The following DSP variants were observed in gnomAD, a reference collection of about 807,000 sequenced individuals.
The protein encoded by DSP is 250/210 kDa paraneoplastic pemphigus antigen.
DSP carries 114 observed loss-of-function variants against 290.6 expected under a neutral mutation model. The observed-to-expected ratio is 0.39, with a 90% CI of 0.34 to 0.46. The LOEUF (loss-of-function observed/expected upper bound fraction) is 0.46. DSP is among the 20% of genes least tolerant of loss of function. The pLI is 0.99. For synonymous variants in DSP, 1,311 were observed against 1,316.4 expected (o/e 1.00, Z 0.09); for missense variants, 3,230 against 3,495.8 (o/e 0.92, Z 1.92).
Position 7,579,714 on chromosome 6 carries a change from G to A in DSP, c.3524G>A (p.Arg1175Lys), listed in dbSNP as rs1759357066. The A allele has an allele frequency of 6.2e-7, 1 of 1,613,632 alleles. No homozygotes were observed. The change falls in exon 23 of 24, where the codon AGG becomes AAG. Residue 1175 changes from arginine to lysine, a missense_variant. By Grantham distance (26) the Arg-to-Lys change is conservative (BLOSUM62 2). This residue lies in a region of DSP where 1,714 missense variants were observed against 1,844.5 expected (regional missense o/e 0.93). Transcript: ENST00000379802. This position sits in a 1 kb window ranked among gnomAD's most constrained non-coding sequence, Gnocchi z 4.1. Reference sequence around the variant, plus strand: ...AAGGAGTACGAGATTGAAAGGTTGAGGGTTCTACTGCAGGAAGAAGGCACC... The same window carrying A: ...AAGGAGTACGAGATTGAAAGGTTGAAGGTTCTACTGCAGGAAGAAGGCACC... ...KEKEYEIERL[R>K]VLLQEEGTRK...
chr6:7,570,360 T>A, intron 12 of DSP, 77 bp from the exon 13 acceptor site: 1 of 1,609,684 alleles, frequency 6.2e-7, no homozygotes, highest in African/African-American at 1.3e-5. Flanking sequence ...TGCAGTGGTG[T>A]GAGCGTGTCC....
At position 7,575,301 on chromosome 6, in the gene DSP, A is replaced by G. The variant is rs774638728; in HGVS notation, c.2443A>G (p.Lys815Glu). The G allele has an allele frequency of 5.6e-6, 9 of 1,614,012 alleles. No homozygotes were observed. Among genetic ancestry groups the G allele is most frequent in the African/African-American group, 5.3e-5 (4 of 74,908 alleles). ...TTTTTTTTTCATCTTGCAGAAAATA[A>G]AAAATGACTTGAACTTGAAGAAGTC... ...EAYRCGLKKI[K>E]NDLNLKKSLL... is the part of the protein sequence containing the mutation. The change falls in exon 18 of 24, where the codon AAA (lysine) becomes GAA (glutamate). Residue 815 changes from lysine to glutamate, a missense_variant. Physicochemically the swap from Lys to Glu is moderately conservative, Grantham distance 56 (BLOSUM62 1). Coordinates refer to ENST00000379802, the MANE Select transcript of DSP (RefSeq NM_004415.4).
Position 7,570,501 on chromosome 6 carries a change from C to T in DSP, c.1639C>T (p.Leu547=). 6.2e-7 allele frequency: 1 copy of T among 1,614,072 alleles called. No homozygotes were observed. Among genetic ancestry groups the T allele is most frequent in the Non-Finnish European group, 8.5e-7 (1 of 1,180,022 alleles). Residue 547 remains leucine (L), a synonymous_variant, in exon 13 of 24, where the codon CTG becomes TTG. Transcript: ENST00000379802. ...CCAGCTCTACATCAACATGAAGAGC[C>T]TGGTGTCCTGGCACTACTGCATGAT... ...WNQLYINMKS[L]VSWHYCMIDI... is the part of the protein sequence containing the mutation.
rs1471890643 is a variant in DSP, at chr6:7,585,465, G to A, written c.8203G>A (p.Gly2735Ser). 3 of 1,614,038 alleles carry A rather than the reference G, an allele frequency of 1.9e-6. No individual in the cohort carries two copies. The African/African-American group carries it at 4.0e-5, about 22-fold the overall frequency. The change falls in exon 24 of 24, where the codon GGT becomes AGT. Residue 2735 changes from glycine (G) to serine (S), a missense_variant. By Grantham distance (56) the Gly-to-Ser change is moderately conservative (BLOSUM62 0). Around this residue, in one of 5 missense-constraint regions of DSP, gnomAD observed 582 missense variants for 555.4 expected, o/e 1.05. Coordinates refer to ENST00000379802, the MANE Select transcript of DSP (RefSeq NM_004415.4). ...CCTGGAGTTCCAGTACCTCACGGGA[G>A]GTCTTGTTGACCCGGAAGTGCATGG... Reference protein sequence around the residue: ...RFLEFQYLTGGLVDPEVHGRI... With the variant: ...RFLEFQYLTGSLVDPEVHGRI...
Position 7,565,383 on chromosome 6 carries a change from C to T in DSP, c.802C>T (p.His268Tyr). 6.2e-7 allele frequency: 1 copy of T among 1,614,088 alleles called. No homozygotes were observed. The highest frequency in any genetic ancestry group is 8.5e-7 in the Non-Finnish European group (1 of 1,180,022). ...GAAAGCGTCCTTTGAGAGGATGGATCACCTGCGACAGCTGCAGAACATCAT... is the reference window on the plus strand; with the variant it reads ...GAAAGCGTCCTTTGAGAGGATGGATTACCTGCGACAGCTGCAGAACATCAT... ...LLKASFERMD[H>Y]LRQLQNIIQA... Residue 268 changes from histidine (H) to tyrosine (Y), a missense_variant, in exon 7 of 24, where the codon CAC (histidine) becomes TAC (tyrosine). Coordinates refer to ENST00000379802, the MANE Select transcript of DSP (RefSeq NM_004415.4). This position sits in a 1 kb window ranked among gnomAD's most constrained non-coding sequence, Gnocchi z 4.2.
At chr6:7,559,087 GA>G (rs140128645) in intron 3 of DSP, 138 bp from the exon 4 acceptor site, 53 of 977,360 alleles carry the variant, frequency 5.4e-5, no homozygotes, top group Admixed American at 9.5e-5. Context: ...CTGGGGTAAA[GA>G]AAAAAAAATC....
intron 19 of DSP, 148 bp downstream of exon 19, chr6:7,576,604 A>T: frequency 2.0e-6 from 2 of 1,019,752 alleles, no homozygotes; most frequent in South Asian, 2.8e-5. Context: ...AAGAATGCCC[A>T]GAGGAAAAGC....
chr6:7,584,549 AAAAG>A lies in DSP; in HGVS notation c.7293_7296del (p.Glu2431AspfsTer15). 6.2e-7 allele frequency: 1 copy of A among 1,613,984 alleles called. No individual in the cohort carries two copies. Among genetic ancestry groups the A allele is most frequent in the Non-Finnish European group, 8.5e-7 (1 of 1,179,878 alleles). On this transcript the variant is annotated frameshift_variant, in exon 24 of 24. Coordinates refer to ENST00000379802, the MANE Select transcript of DSP (RefSeq NM_004415.4). LOFTEE classifies it high-confidence loss of function. This position sits in a 1 kb window ranked among gnomAD's most constrained non-coding sequence, Gnocchi z 6.4. ...AAGAAAATCTTACCTATCTGCAACTAAAAGAAAGATGCATTAAGGATGAGGAAAC... is the reference window on the plus strand; with the variant it reads ...AAGAAAATCTTACCTATCTGCAACTAAAAGATGCATTAAGGATGAGGAAAC...
In DSP at chr6:7,582,139, GGTGTGT is replaced by G. The variant is rs10545097; in HGVS notation, c.5380-480_5380-475del. Among the ~76,000 whole-genome samples the G allele has an allele frequency of 2.4e-4, 34 of 143,786 alleles. No homozygotes were observed. Among genetic ancestry groups the G allele is most frequent in the East Asian group, 6.0e-4 (3 of 5,032 alleles). The allele number at this position is 143,786 out of a possible 152,430, so 94.3% of individuals were successfully genotyped here. ...GACAATATTTGTGTGTGGCTGGGTT[GGTGTGT>G]GTGTGTGTGTGTGTGTGTGTGTATA... On this transcript the variant is annotated intron_variant, in intron 23 of 23. Transcript: ENST00000379802. This position sits in a 1 kb window ranked among gnomAD's most constrained non-coding sequence, Gnocchi z 4.2.
intron 3 of DSP, among the ~76,000 whole-genome samples, chr6:7,558,921 G>A (rs1161365055): frequency 6.6e-6 from 1 of 152,104 alleles, no homozygotes; most frequent in Non-Finnish European, 1.5e-5. Context: ...ACTACTACCT[G>A]GGGCCCAGGG....
intron 18 of DSP, among the ~76,000 whole-genome samples, 192 bp from the exon 19 acceptor site, chr6:7,576,102 A>C (rs1215913909): frequency 6.6e-6 from 1 of 152,154 alleles, no homozygotes; most frequent in Non-Finnish European, 1.5e-5. Flanking sequence ...TCTTTTCATC[A>C]GTTGATACCT....
intron 1 of DSP, among the ~76,000 whole-genome samples, chr6:7,547,956 G>A (rs895682282): frequency 2.0e-5 from 3 of 151,966 alleles, no homozygotes; most frequent in African/African-American, 7.3e-5. Flanking sequence ...GTTATGGACT[G>A]GGGCAAAGAC....
In DSP at chr6:7,574,681, C is replaced by T; in HGVS notation, c.2322C>T (p.Leu774=). The T allele has an allele frequency of 6.2e-7, 1 of 1,614,040 alleles. No individual in the cohort carries two copies. Among genetic ancestry groups the T allele is most frequent in the Non-Finnish European group, 8.5e-7 (1 of 1,179,976 alleles). Residue 774 remains leucine (L), a synonymous_variant, in exon 17 of 24, where the codon CTC becomes CTT. Coordinates refer to ENST00000379802, the MANE Select transcript of DSP (RefSeq NM_004415.4). The stretch of plus-strand genomic sequence containing the variant: ...GCTTATGCACAGTAAGGGCACTGCT[C>T]CAGGCTATTCTCCAAACAGAAGACA... ...LNSLCTVRAL[L]QAILQTEDML... is the part of the protein sequence containing the mutation.
At chr6:7,574,523 T>C in intron 16 of DSP, 134 bp from the exon 17 acceptor site, 1 of 1,338,542 alleles carries the variant, frequency 7.5e-7, no homozygotes, top group South Asian at 1.2e-5. Flanking sequence ...TGAATCACAA[T>C]AGACCAAAAA....
Position 7,576,945 on chromosome 6 carries a change from C to A in DSP, c.2794-14C>A. 1 of 1,608,700 alleles carries A rather than the reference C, an allele frequency of 6.2e-7. No individual in the cohort carries two copies. On this transcript the variant is annotated splice_polypyrimidine_tract_variant and intron_variant, in intron 19 of 23. Coordinates refer to ENST00000379802, the MANE Select transcript of DSP (RefSeq NM_004415.4). ...TATGCATTAACATTGGTAAATATTT[C>A]ACTTTTTGTATAGAACTTGCACAGT...
chr6:7,550,491 A>G (rs867271118), intron 1 of DSP, among the ~76,000 whole-genome samples: 14 of 152,256 alleles, frequency 9.2e-5, no homozygotes, highest in Middle Eastern at 3.4e-3. Flanking sequence ...AAATCTTGGT[A>G]ATATTGTTCA....
At position 7,571,316 on chromosome 6, in the gene DSP, C is replaced by T. The variant is rs118011224; in HGVS notation, c.1702-67C>T. 2.7e-4 allele frequency: 428 copies of T among 1,590,800 alleles called. 1 individual carries two copies. In the East Asian group the frequency reaches 8.7e-3, roughly 32 times the overall value. On this transcript the variant is annotated intron_variant, in intron 13 of 23. Transcript: ENST00000379802. ...CATCTAGTGGGTGGCATTTTTTGGC[C>T]AACTCTTCTTGATTGCATTGTGGGG... is the stretch of plus-strand genomic sequence containing the variant.
chr6:7,570,176 A>T (rs571757116), intron 12 of DSP, among the ~76,000 whole-genome samples: 1 of 152,220 alleles, frequency 6.6e-6, no homozygotes, highest in East Asian at 1.9e-4. Flanking sequence ...ACCTCTGTCA[A>T]TTACAAAGTT....
rs1758933002 is a variant in DSP at position 7,568,536 on chromosome 6, A to C, written c.1366A>C (p.Arg456=). 6.2e-7 allele frequency: 1 copy of C among 1,614,040 alleles called. No homozygotes were observed. Among genetic ancestry groups the C allele is most frequent in the African/African-American group, 1.3e-5 (1 of 74,950 alleles). ...VQLKPRNPDY[R]SNKPIILRAL... ...GCTGAAGCCTCGTAACCCAGACTACAGAAGCAATAAACCCATTATTCTCAG... is the reference window on the plus strand; with the variant it reads ...GCTGAAGCCTCGTAACCCAGACTACCGAAGCAATAAACCCATTATTCTCAG... Residue 456 remains arginine (R), a synonymous_variant, in exon 11 of 24, where the codon AGA becomes CGA. Transcript: ENST00000379802.
Sources: gnomAD v4.1 joint callset for allele counts (sites outside exome capture counted in the v4.1 genomes callset) on GRCh38, gnomAD v4.1.1 for gene constraint, gnomAD v4.1.1 regional missense constraint, Gnocchi (gnomAD v3.1) non-coding constraint, MANE v1.5 for transcripts, NCBI Gene and HGNC (gene_info 2026-07-23, HGNC 2026-07-21) for gene names.